DECR1: variants seen among roughly 807,000 people sequenced by gnomAD.
DECR1 encodes 2,4-dienoyl-CoA reductase 1, also known as 2,4-dienoyl-CoA reductase [(3E)-enoyl-CoA-producing], mitochondrial.
DECR1 carries 44 observed loss-of-function variants against 38.8 expected under a neutral mutation model. The observed-to-expected ratio is 1.13, with a 90% CI of 0.89 to 1.46. The LOEUF is 1.46. Ranked by LOEUF, DECR1 falls within the 40% of genes most tolerant of loss-of-function variation. The probability of loss-of-function intolerance (pLI) is 0.00; values close to 1 mark genes in which losing one functional copy is unlikely to be tolerated. For missense variants in DECR1, 428 were observed against 405.5 expected (o/e 1.06, Z -0.48); for synonymous variants, 148 against 135.2 (o/e 1.09, Z -0.66).
intron 8 of DECR1, among the ~76,000 whole-genome samples, chr8:90,047,892 G>A (rs540170640): frequency 1.3e-5 from 2 of 152,248 alleles, no homozygotes; most frequent in African/African-American, 2.4e-5. Context: ...ACTCAAAACC[G>A]CTCAACTACA....
At chr8:90,008,606 A>C (rs1011683) in intron 1 of DECR1, among the ~76,000 whole-genome samples, 58,941 of 151,956 alleles carry the variant, frequency 0.39, 11,812 homozygotes, top group African/African-American at 0.49. Context: ...GTGATGAAAT[A>C]GATCAAGAAC....
chr8:90,042,606 G>C, intron 6 of DECR1, 122 bp from the exon 7 acceptor site: 3 of 783,986 alleles, frequency 3.8e-6, no homozygotes, highest in Non-Finnish European at 6.6e-6. Flanking sequence ...AACAATAATA[G>C]TACCTACCTG....
At chr8:90,022,054 G>T (rs187971817) in intron 5 of DECR1, among the ~76,000 whole-genome samples, 1 of 152,130 alleles carries the variant, frequency 6.6e-6, no homozygotes, top group Non-Finnish European at 1.5e-5. Flanking sequence ...CACAGAGGTG[G>T]ACAAGACCCT....
intron 4 of DECR1, 85 bp downstream of exon 4, chr8:90,019,257 G>A (rs1813089411): frequency 2.6e-6 from 3 of 1,156,256 alleles, no homozygotes; most frequent in Admixed American, 3.7e-5. Context: ...ATAAAATATT[G>A]ATACTGATGT....
intron 1 of DECR1, 33 bp downstream of exon 1, chr8:90,001,594 A>C: frequency 6.3e-7 from 1 of 1,596,660 alleles, no homozygotes; most frequent in Non-Finnish European, 8.6e-7. Flanking sequence ...GAGCGAGGAC[A>C]GGGCGTCTCG....
rs1469096956 is a variant in DECR1, at chr8:90,051,952, T to A, written c.*55T>A. The stretch of plus-strand genomic sequence containing the variant: ...AAAAGGGAATAGAAATGAAACAAAT[T>A]ATCTCTCATCTTTTGACTATTTCAA... On this transcript the variant is annotated 3_prime_UTR_variant, in exon 10 of 10. Transcript: ENST00000220764. 1 of 1,438,524 alleles carries A rather than the reference T, an allele frequency of 7.0e-7. No homozygotes were observed. The highest frequency in any genetic ancestry group is 1.7e-5 in the Admixed American group (1 of 57,544). 89.1% of individuals were successfully genotyped at this position (1,438,524 alleles called of 1,614,324 possible). A position where few individuals can be genotyped will look rare whatever the true frequency, so the allele number is the denominator to read the frequency against.
At chr8:90,014,366 A>G (rs1028251670) in intron 1 of DECR1, among the ~76,000 whole-genome samples, 7 of 152,206 alleles carry the variant, frequency 4.6e-5, no homozygotes, top group Non-Finnish European at 8.8e-5. Flanking sequence ...TGAAATGAAC[A>G]TCTTCCTTTT....
rs1188602258 is a variant in DECR1, at chr8:90,021,001, T to C, written c.510T>C (p.Asn170=). ...AWKTITDIVL[N]GTAFVTLEIG... is the part of the protein sequence containing the mutation. ...AAACCATAACTGACATAGTTCTAAA[T>C]GGCACAGCCTTCGTGACACTAGAAA... Residue 170 remains asparagine, a synonymous_variant, in exon 5 of 10, where the codon AAT becomes AAC. Transcript: ENST00000220764. The C allele has an allele frequency of 3.6e-5, 58 of 1,596,968 alleles. No individual in the cohort carries two copies. The highest frequency in any genetic ancestry group is 4.9e-5 in the Non-Finnish European group (58 of 1,174,030).
intron 6 of DECR1, 198 bp from the exon 7 acceptor site, chr8:90,042,530 G>A (rs1000475969): frequency 1.7e-6 from 1 of 578,154 alleles, no homozygotes; most frequent in African/African-American, 1.9e-5. Context: ...TGACAAATTG[G>A]CCATATGACA....
In DECR1 at chr8:90,049,643, C is replaced by T. The variant is rs538382312; in HGVS notation, c.886-2034C>T. 4.6e-5 allele frequency among the ~76,000 whole-genome samples: 7 copies of T among 152,310 alleles called. No homozygotes were observed. In the East Asian group the frequency reaches 7.7e-4, roughly 17 times the overall value. On this transcript the variant is annotated intron_variant, in intron 8 of 9. Transcript: ENST00000220764. ...TTCAGTGCCATCCCCATCAAGCTACCAATGACTTTCTTCACAGAATTGGAA... is the reference window on the plus strand; with the variant it reads ...TTCAGTGCCATCCCCATCAAGCTACTAATGACTTTCTTCACAGAATTGGAA...
At position 90,053,617 on chromosome 8, in the gene DECR1, AAT is replaced by A. The variant is rs1353636110; in HGVS notation, c.*1723_*1724del. ...ATGTTTACATTTATATAACTTAATA[AAT>A]ATTATTTTTTTCCAGTGTTGTCTCA... On this transcript the variant is annotated 3_prime_UTR_variant, in exon 10 of 10. Transcript: ENST00000220764. Among the ~76,000 whole-genome samples, 1 of 152,146 alleles carries A rather than the reference AAT, an allele frequency of 6.6e-6. No individual in the cohort carries two copies. The highest frequency in any genetic ancestry group is 1.9e-4 in the East Asian group (1 of 5,204).
chr8:90,046,288 C>A (rs1813899681), intron 8 of DECR1, among the ~76,000 whole-genome samples: 1 of 152,072 alleles, frequency 6.6e-6, no homozygotes, highest in East Asian at 1.9e-4. Flanking sequence ...AGCTAAAAAC[C>A]TTGATAAAAG....
At chr8:90,049,117 C>G (rs553728477) in intron 8 of DECR1, among the ~76,000 whole-genome samples, 27 of 152,304 alleles carry the variant, frequency 1.8e-4, no homozygotes, top group Non-Finnish European at 3.2e-4. Context: ...AAAACTGGCA[C>G]AAGACAGGGA....
chr8:90,012,110 A>G (rs111911349), intron 1 of DECR1, among the ~76,000 whole-genome samples: 7 of 151,180 alleles, frequency 4.6e-5, no homozygotes, highest in Admixed American at 2.6e-4. Flanking sequence ...TCTATTTGCA[A>G]GTAACTCAGT....
chr8:90,005,494 G>T, intron 1 of DECR1: 1 of 454,038 alleles, frequency 2.2e-6, no homozygotes, highest in Non-Finnish European at 4.4e-6. Context: ...CTTTTATTGT[G>T]GTTTGTGAGA....
chr8:90,022,261 AT>A (rs1388226406), intron 5 of DECR1, among the ~76,000 whole-genome samples: 3 of 152,056 alleles, frequency 2.0e-5, no homozygotes, highest in Admixed American at 6.6e-5. Context: ...ATAAGGTTCA[AT>A]TTCTTCTTTT....
intron 8 of DECR1, among the ~76,000 whole-genome samples, chr8:90,048,452 C>G (rs1813971859): frequency 6.6e-6 from 1 of 152,108 alleles, no homozygotes; most frequent in Admixed American, 6.5e-5. Flanking sequence ...TGGATACATT[C>G]CTGTACACAT....
intron 6 of DECR1, among the ~76,000 whole-genome samples, chr8:90,038,721 G>A (rs912330468): frequency 2.6e-5 from 4 of 152,042 alleles, no homozygotes; most frequent in African/African-American, 9.7e-5. Flanking sequence ...GTCCGTAGCT[G>A]GTGCTTCATG....
chr8:90,042,234 C>T (rs925048175), intron 6 of DECR1, among the ~76,000 whole-genome samples: 2 of 152,038 alleles, frequency 1.3e-5, no homozygotes, highest in Non-Finnish European at 2.9e-5. Flanking sequence ...TGTGATATTA[C>T]AGACATTGTA....
Sources: allele counts gnomAD v4.1 joint callset (sites outside exome capture counted in the v4.1 genomes callset), GRCh38; gene constraint gnomAD v4.1.1; transcripts MANE v1.5; gene names NCBI Gene and HGNC (gene_info 2026-07-23, HGNC 2026-07-21).